MSRA: variants seen among roughly 807,000 people sequenced by gnomAD.
MSRA encodes the protein mitochondrial peptide methionine sulfoxide reductase.
MSRA carries 54 observed loss-of-function variants against 31.3 expected under a neutral mutation model. The observed-to-expected ratio is 1.73, with a 90% CI of 1.39 to 2.17. The LOEUF (loss-of-function observed/expected upper bound fraction) is 2.17, where lower values mean the gene tolerates loss of function less well. Ranked by LOEUF, MSRA falls within the 30% of genes most tolerant of loss-of-function variation. The pLI is 0.00. For synonymous variants in MSRA, 169 were observed against 116.5 expected (o/e 1.45, Z -2.90); for missense variants, 507 against 300.9 (o/e 1.69, Z -5.07).
intron 3 of MSRA, among the ~76,000 whole-genome samples, chr8:10,270,985 T>C (rs1799004800): frequency 6.6e-6 from 1 of 152,130 alleles, no homozygotes; most frequent in African/African-American, 2.4e-5. Context: ...GGCTTTATTT[T>C]ATTTCAAACC....
chr8:10,145,536 A>T (rs1220301807), intron 1 of MSRA, among the ~76,000 whole-genome samples: 1 of 152,150 alleles, frequency 6.6e-6, no homozygotes, highest in African/African-American at 2.4e-5. Context: ...GCATCCTCTG[A>T]AGAGGCGTGT....
intron 5 of MSRA, among the ~76,000 whole-genome samples, chr8:10,402,943 C>T (rs1057096556): frequency 6.6e-6 from 1 of 152,174 alleles, no homozygotes; most frequent in African/African-American, 2.4e-5. Context: ...ACCATGCCTA[C>T]CATTGAAGCC....
chr8:10,235,709 C>T (rs1490791366), intron 2 of MSRA, among the ~76,000 whole-genome samples: 1 of 152,106 alleles, frequency 6.6e-6, no homozygotes, highest in Non-Finnish European at 1.5e-5. Flanking sequence ...AGTCCAGGTG[C>T]TTCAGGAAAT....
intron 2 of MSRA, among the ~76,000 whole-genome samples, chr8:10,230,742 A>T (rs1811392856): frequency 6.6e-6 from 1 of 152,152 alleles, no homozygotes; most frequent in Non-Finnish European, 1.5e-5. Flanking sequence ...GATTCTTAAG[A>T]CTGTTTAAGA....
At chr8:10,145,668 G>A (rs746229180) in intron 1 of MSRA, among the ~76,000 whole-genome samples, 21 of 152,118 alleles carry the variant, frequency 1.4e-4, no homozygotes, top group South Asian at 1.0e-3. Flanking sequence ...ATTATTCTTG[G>A]CAAGTGGTTT....
chr8:10,419,728 A>G (rs1363698667), intron 5 of MSRA, among the ~76,000 whole-genome samples: 2 of 152,218 alleles, frequency 1.3e-5, no homozygotes, highest in South Asian at 2.1e-4. Flanking sequence ...CTTGGTGTTT[A>G]GAGCGTATAT....
intron 1 of MSRA, among the ~76,000 whole-genome samples, chr8:10,181,352 G>T (rs1806519660): frequency 6.6e-6 from 1 of 151,904 alleles, no homozygotes; most frequent in African/African-American, 2.4e-5. Flanking sequence ...AACACCCTGT[G>T]GGGGTAAGAA....
At chr8:10,342,734 C>T (rs1318085046) in intron 5 of MSRA, among the ~76,000 whole-genome samples, 4 of 152,176 alleles carry the variant, frequency 2.6e-5, no homozygotes, top group African/African-American at 9.7e-5. Context: ...TGCTCCCAAG[C>T]TCACACAGCG....
At chr8:10,237,831 C>T (rs1423980262) in intron 2 of MSRA, among the ~76,000 whole-genome samples, 1 of 152,198 alleles carries the variant, frequency 6.6e-6, no homozygotes, top group Non-Finnish European at 1.5e-5. Context: ...TGACTTCCTC[C>T]ACCACCACTT....
chr8:10,399,184 T>G (rs1256197968), intron 5 of MSRA, among the ~76,000 whole-genome samples: 1 of 152,206 alleles, frequency 6.6e-6, no homozygotes, highest in Non-Finnish European at 1.5e-5. Context: ...CAGGTACGTG[T>G]TGGGTGCAAA....
chr8:10,180,394 T>C (rs531975074), intron 1 of MSRA, among the ~76,000 whole-genome samples: 1 of 152,290 alleles, frequency 6.6e-6, no homozygotes, highest in East Asian at 1.9e-4. Flanking sequence ...ACCTGGAAGC[T>C]CTAGGAACCC....
chr8:10,308,899 G>T (rs545041733), intron 4 of MSRA, among the ~76,000 whole-genome samples: 1 of 152,324 alleles, frequency 6.6e-6, no homozygotes, highest in Non-Finnish European at 1.5e-5. Context: ...GTTATAGTCA[G>T]GATTAAATGG....
At chr8:10,359,697 AGGAGGATGGTCTCAGAT>A (rs1183667632) in intron 5 of MSRA, among the ~76,000 whole-genome samples, 15 of 151,998 alleles carry the variant, frequency 9.9e-5, no homozygotes, top group East Asian at 1.9e-4. Flanking sequence ...GTCCCCCAAG[AGGAGGATGGTCTCAGAT>A]GGAGGATGGT....
chr8:10,078,197 A>C (rs190265113), intron 1 of MSRA, among the ~76,000 whole-genome samples: 1 of 152,280 alleles, frequency 6.6e-6, no homozygotes, highest in East Asian at 1.9e-4. Context: ...TGCAGTTCTG[A>C]AATTTCCTTT....
intron 5 of MSRA, among the ~76,000 whole-genome samples, chr8:10,387,853 G>A (rs1806489538): frequency 6.6e-6 from 1 of 152,078 alleles, no homozygotes; most frequent in Non-Finnish European, 1.5e-5. Flanking sequence ...TCACTTCTGG[G>A]GAGAAACAAG....
chr8:10,152,851 G>T (rs1803827177), intron 1 of MSRA, among the ~76,000 whole-genome samples: 2 of 152,210 alleles, frequency 1.3e-5, no homozygotes. Context: ...TCTGTCACTT[G>T]CTACAACAGG....
chr8:10,410,571 T>TC lies in MSRA; in HGVS notation c.544-17572dup, dbSNP rs551360377. ...ACAGCACTGAGAGGTAGATATCTTATCCCCCTCTTACAGAAGAGAAGGCCA... is the reference window on the plus strand; with the variant it reads ...ACAGCACTGAGAGGTAGATATCTTATCCCCCCTCTTACAGAAGAGAAGGCCA... On this transcript the variant is annotated intron_variant, in intron 5 of 5. Coordinates refer to ENST00000317173, the MANE Select transcript of MSRA (RefSeq NM_012331.5). 1.8e-3 allele frequency among the ~76,000 whole-genome samples: 272 copies of TC among 152,274 alleles called. 2 individuals carry two copies. The highest frequency in any genetic ancestry group is 6.2e-3 in the African/African-American group (258 of 41,544).
At chr8:10,351,310 G>A (rs553744307) in intron 5 of MSRA, among the ~76,000 whole-genome samples, 1 of 130,308 alleles carries the variant, frequency 7.7e-6, no homozygotes, top group East Asian at 2.5e-4. Flanking sequence ...CTGGAATGCA[G>A]TGGCGTGATC....
intron 2 of MSRA, among the ~76,000 whole-genome samples, chr8:10,238,510 C>T (rs371958089): frequency 6.6e-4 from 101 of 152,106 alleles, no homozygotes; most frequent in African/African-American, 2.4e-3. Flanking sequence ...ATATAGTAGG[C>T]ACTGAAAAAA....
Sources: gnomAD v4.1 joint callset for allele counts (sites outside exome capture counted in the v4.1 genomes callset) on GRCh38, gnomAD v4.1.1 for gene constraint, MANE v1.5 for transcripts, NCBI Gene and HGNC (gene_info 2026-07-23, HGNC 2026-07-21) for gene names.